The following DPH6 variants were observed in gnomAD, a reference collection of about 807,000 sequenced individuals.
DPH6 encodes diphthine--ammonia ligase.
DPH6 carries 33 observed loss-of-function variants against 38.2 expected under a neutral mutation model. The observed-to-expected ratio is 0.86, with a 90% CI of 0.65 to 1.15. The LOEUF (loss-of-function observed/expected upper bound fraction) is 1.15, where lower values mean the gene tolerates loss of function less well. Ranked by LOEUF, DPH6 falls within the 50% of genes most tolerant of loss-of-function variation. The pLI is 0.00. For synonymous variants in DPH6, 108 were observed against 103.0 expected, an observed-to-expected ratio of 1.05 and a Z score of -0.30; for missense variants, 325 against 320.0, an observed-to-expected ratio of 1.02 and a Z score of -0.12.
At chr15:35,237,647 C>T (rs2051563604) in intron 3 of DPH6, 1 of 1,612,628 alleles carries the variant, frequency 6.2e-7, no homozygotes, top group Non-Finnish European at 8.5e-7. Context: ...CACAACAGAG[C>T]CACTGAAAAA....
intron 5 of DPH6, among the ~76,000 whole-genome samples, chr15:35,446,402 T>C (rs2053854074): frequency 6.6e-6 from 1 of 150,944 alleles, no homozygotes; most frequent in Non-Finnish European, 1.5e-5. Context: ...AGCTAATTTT[T>C]AAACTTTTTA....
the DPH6 span, among the ~76,000 whole-genome samples, chr15:35,181,045 C>A: frequency 6.6e-6 from 1 of 152,200 alleles, no homozygotes; most frequent in Non-Finnish European, 1.5e-5. Flanking sequence ...GGCACTGATA[C>A]TAGCCAGACA....
intron 3 of DPH6, among the ~76,000 whole-genome samples, chr15:35,466,666 G>A (rs8027918): frequency 0.98 from 149,365 of 152,318 alleles, 73,265 homozygotes; most frequent in Middle Eastern, 1. Context: ...CAGTTTCATC[G>A]TATGAACATC....
chr15:35,288,572 A>G (rs934061513), intron 3 of DPH6, among the ~76,000 whole-genome samples: 4 of 152,154 alleles, frequency 2.6e-5, no homozygotes, highest in Non-Finnish European at 4.4e-5. Flanking sequence ...CTTATGAAGC[A>G]TTTGCAACTG....
chr15:35,345,225 G>A (rs11857409), intron 3 of DPH6, among the ~76,000 whole-genome samples: 39,558 of 151,560 alleles, frequency 0.26, 5,326 homozygotes, highest in South Asian at 0.38. Context: ...AATTAACCTC[G>A]TATCCAGAAA....
chr15:35,410,957 T>C, intron 5 of DPH6, 61 bp from the exon 6 acceptor site: 1 of 1,476,354 alleles, frequency 6.8e-7, no homozygotes, highest in East Asian at 2.3e-5. Flanking sequence ...AAAGACACAT[T>C]CCCCTTCCCT....
intron 5 of DPH6, among the ~76,000 whole-genome samples, chr15:35,442,624 CA>C (rs543239311): frequency 7.2e-5 from 11 of 152,132 alleles, no homozygotes; most frequent in Non-Finnish European, 1.2e-4. Context: ...GGAAATGACT[CA>C]AATGTCCATG....
At chr15:35,536,476 G>C (rs973258833) in intron 3 of DPH6, among the ~76,000 whole-genome samples, 10 of 151,980 alleles carry the variant, frequency 6.6e-5, no homozygotes, top group Non-Finnish European at 1.0e-4. Flanking sequence ...CTGATGGTTA[G>C]CATAAAGATA....
At chr15:35,523,289 G>T (rs1595441291) in intron 3 of DPH6, among the ~76,000 whole-genome samples, 2 of 132,240 alleles carry the variant, frequency 1.5e-5, no homozygotes, top group African/African-American at 2.9e-5. Context: ...TCTGTGAAAT[G>T]CCTGTTCATA....
chr15:35,203,088 T>A, the DPH6 span, among the ~76,000 whole-genome samples: 1 of 151,790 alleles, frequency 6.6e-6, no homozygotes. Context: ...ATAATTTTTG[T>A]TCACTTTCCA....
chr15:35,534,634 TGA>T (rs1265728033), intron 3 of DPH6, among the ~76,000 whole-genome samples: 2 of 151,318 alleles, frequency 1.3e-5, no homozygotes, highest in Non-Finnish European at 2.9e-5. Flanking sequence ...AAAAAGACAC[TGA>T]GATAGAAAAT....
At position 35,459,733 on chromosome 15, in the gene DPH6, G is replaced by A. The variant is rs552750756; in HGVS notation, c.313-4913C>T. ...AAGGGAAGGAAAACCCAGTGAAGAC[G>A]TTCGAAAAGAGTGGTCATAATGACA... On this transcript the variant is annotated intron_variant, in intron 3 of 8. Coordinates refer to ENST00000256538, the MANE Select transcript of DPH6 (RefSeq NM_080650.4). 5.3e-4 allele frequency among the ~76,000 whole-genome samples: 81 copies of A among 152,182 alleles called. No individual in the cohort carries two copies. In the South Asian group the frequency reaches 0.016, roughly 30 times the overall value.
chr15:35,474,990 G>A (rs1322451541), intron 3 of DPH6, among the ~76,000 whole-genome samples: 1 of 151,256 alleles, frequency 6.6e-6, no homozygotes, highest in Admixed American at 6.6e-5. Context: ...AAAACAGCTG[G>A]AAAAAAAAGC....
chr15:35,236,731 T>C (rs114947593), intron 3 of DPH6, among the ~76,000 whole-genome samples: 1,585 of 152,286 alleles, frequency 0.01, 31 homozygotes, highest in African/African-American at 0.037. Context: ...AATCTGACCA[T>C]GATTTTGATA....
At chr15:35,189,703 T>C in the DPH6 span, among the ~76,000 whole-genome samples, 2 of 152,176 alleles carry the variant, frequency 1.3e-5, no homozygotes, top group Non-Finnish European at 2.9e-5. Context: ...TGAAATAAAT[T>C]GGCTATAGAC....
intron 3 of DPH6, among the ~76,000 whole-genome samples, chr15:35,351,220 C>T (rs562523679): frequency 6.6e-6 from 1 of 152,238 alleles, no homozygotes; most frequent in African/African-American, 2.4e-5. Flanking sequence ...ATATCAACCC[C>T]TGCTGTCATT....
At chr15:35,302,317 T>C (rs1247254945) in intron 3 of DPH6, among the ~76,000 whole-genome samples, 1 of 152,232 alleles carries the variant, frequency 6.6e-6, no homozygotes, top group East Asian at 1.9e-4. Flanking sequence ...AAAATGATCA[T>C]TTGTTTCTTT....
At chr15:35,451,622 T>TTCTC (rs1469582589) in intron 4 of DPH6, among the ~76,000 whole-genome samples, 1 of 152,192 alleles carries the variant, frequency 6.6e-6, no homozygotes, top group Non-Finnish European at 1.5e-5. Flanking sequence ...TGAGCCACCA[T>TTCTC]TCTCTCTCAT....
intron 5 of DPH6, among the ~76,000 whole-genome samples, chr15:35,447,431 A>T (rs924497084): frequency 5.3e-5 from 8 of 151,512 alleles, no homozygotes; most frequent in African/African-American, 1.9e-4. Flanking sequence ...TCTATCTCTT[A>T]TACGTCCCCC....
Sources: allele counts gnomAD v4.1 joint callset (sites outside exome capture counted in the v4.1 genomes callset), GRCh38; gene constraint gnomAD v4.1.1; transcripts MANE v1.5; gene names NCBI Gene and HGNC (gene_info 2026-07-23, HGNC 2026-07-21).